The following ZNF385D variants were observed in gnomAD, a reference collection of about 807,000 sequenced individuals.
The protein encoded by ZNF385D is zinc finger protein 385D.
In ZNF385D, 15 loss-of-function variants were observed where a neutral mutation model predicts 35.8. That is an observed-to-expected ratio of 0.42 (90% CI 0.28 to 0.64). The LOEUF (loss-of-function observed/expected upper bound fraction) is 0.64, where lower values mean the gene tolerates loss of function less well. Ranked by LOEUF, ZNF385D falls within the 30% of genes least tolerant of loss-of-function variation. The probability of loss-of-function intolerance (pLI) is 0.23; values close to 1 mark genes in which losing one functional copy is unlikely to be tolerated. For missense variants in ZNF385D, 474 were observed against 494.6 expected, an observed-to-expected ratio of 0.96 and a Z score of 0.39; for synonymous variants, 212 against 186.8, an observed-to-expected ratio of 1.13 and a Z score of -1.10.
intron 2 of ZNF385D, among the ~76,000 whole-genome samples, chr3:22,299,361 G>C (rs1702772658): frequency 6.6e-6 from 1 of 151,754 alleles, no homozygotes; most frequent in Non-Finnish European, 1.5e-5. Flanking sequence ...TCTAGGCCCT[G>C]AGGAACTTGC....
chr3:21,445,406 T>G (rs1032226463), intron 4 of ZNF385D, among the ~76,000 whole-genome samples: 9 of 152,358 alleles, frequency 5.9e-5, no homozygotes, highest in Middle Eastern at 6.8e-3. Flanking sequence ...TAAAGAGAGA[T>G]AAGCTGATTA....
chr3:21,593,763 A>G (rs529261897), intron 2 of ZNF385D, among the ~76,000 whole-genome samples: 1 of 152,140 alleles, frequency 6.6e-6, no homozygotes, highest in East Asian at 1.9e-4. Context: ...ATCTGAAACC[A>G]TGGCAATAAA....
rs182160018 is a variant in ZNF385D at position 22,162,405 on chromosome 3, C to T, written c.325+6412G>A. Among the ~76,000 whole-genome samples the T allele has an allele frequency of 1.9e-3, 287 of 152,100 alleles. 3 individuals are homozygous for T. Among genetic ancestry groups the T allele is most frequent in the African/African-American group, 6.3e-3 (260 of 41,470 alleles). On this transcript the variant is annotated intron_variant, in intron 3 of 5. Transcript: ENST00000494108. ...TGCAAACAGGCTTTCTCTGAAGCCC[C>T]CCTTATCTGCCTTACCCAAAACTAA...
intron 3 of ZNF385D, among the ~76,000 whole-genome samples, chr3:21,846,381 T>C (rs1696007426): frequency 1.3e-5 from 2 of 152,070 alleles, no homozygotes; most frequent in Admixed American, 1.3e-4. Context: ...AATAGTGCTT[T>C]TAAAAAGCAC....
At chr3:22,041,193 T>C (rs1185557234) in intron 3 of ZNF385D, among the ~76,000 whole-genome samples, 1 of 152,072 alleles carries the variant, frequency 6.6e-6, no homozygotes, top group Non-Finnish European at 1.5e-5. Flanking sequence ...GGTTCAAGTC[T>C]AGTTGAAGAG....
At chr3:21,885,740 C>CTGTCTGTG (rs1306584538) in intron 3 of ZNF385D, among the ~76,000 whole-genome samples, 1 of 101,196 alleles carries the variant, frequency 9.9e-6, no homozygotes, top group African/African-American at 4.1e-5. Flanking sequence ...GTGTCTGTGT[C>CTGTCTGTG]TGTGTGTGTG....
At chr3:21,702,103 A>G (rs1050390810) in intron 1 of ZNF385D, among the ~76,000 whole-genome samples, 1 of 152,078 alleles carries the variant, frequency 6.6e-6, no homozygotes, top group Non-Finnish European at 1.5e-5. Context: ...TGGGGCTCTG[A>G]CCCCATATTT....
At chr3:22,145,773 T>C (rs1704811632) in intron 3 of ZNF385D, among the ~76,000 whole-genome samples, 1 of 152,074 alleles carries the variant, frequency 6.6e-6, no homozygotes, top group African/African-American at 2.4e-5. Context: ...CTTCAGAGAG[T>C]AGAGAGCCTA....
intron 2 of ZNF385D, among the ~76,000 whole-genome samples, chr3:22,279,593 C>CAT (rs1553640931): frequency 1.6e-4 from 19 of 121,262 alleles, no homozygotes; most frequent in East Asian, 1.5e-3. Flanking sequence ...TACATATGTA[C>CAT]ATATATATGT....
intron 3 of ZNF385D, among the ~76,000 whole-genome samples, chr3:21,515,721 G>T (rs1325002669): frequency 6.6e-6 from 1 of 152,180 alleles, no homozygotes; most frequent in Non-Finnish European, 1.5e-5. Flanking sequence ...TTGAGGCAAG[G>T]ATAATAGGCC....
At chr3:21,746,841 C>A (rs2069794179) in intron 1 of ZNF385D, among the ~76,000 whole-genome samples, 1 of 152,144 alleles carries the variant, frequency 6.6e-6, no homozygotes. Flanking sequence ...TCCTCATAAC[C>A]TTGCCATTTA....
chr3:21,635,092 A>G (rs2065389833), intron 2 of ZNF385D, among the ~76,000 whole-genome samples: 1 of 152,106 alleles, frequency 6.6e-6, no homozygotes, highest in Admixed American at 6.6e-5. Context: ...GCAGAGAACA[A>G]TATCACAGAA....
chr3:21,998,481 A>ATTT (rs1389774563), intron 3 of ZNF385D, among the ~76,000 whole-genome samples: 1 of 152,240 alleles, frequency 6.6e-6, no homozygotes. Context: ...TTATAAATGT[A>ATTT]GACATCAGCC....
At chr3:22,065,522 G>C (rs528355000) in intron 3 of ZNF385D, among the ~76,000 whole-genome samples, 1 of 152,178 alleles carries the variant, frequency 6.6e-6, no homozygotes, top group Non-Finnish European at 1.5e-5. Flanking sequence ...TGCCAGGTGA[G>C]TGTACAATAG....
intron 2 of ZNF385D, among the ~76,000 whole-genome samples, chr3:22,327,449 C>T (rs933571237): frequency 2.0e-5 from 3 of 152,142 alleles, no homozygotes; most frequent in Admixed American, 2.0e-4. Flanking sequence ...AAGTGGTGGT[C>T]CTAAATTTCA....
intron 3 of ZNF385D, among the ~76,000 whole-genome samples, chr3:22,093,111 C>T (rs1178692005): frequency 6.6e-6 from 1 of 151,758 alleles, no homozygotes; most frequent in Non-Finnish European, 1.5e-5. Flanking sequence ...AGTGTTGGTG[C>T]CAAATGAAAC....
chr3:21,874,330 C>A (rs897895856), intron 3 of ZNF385D, among the ~76,000 whole-genome samples: 3 of 152,096 alleles, frequency 2.0e-5, no homozygotes, highest in African/African-American at 7.2e-5. Context: ...ATCCTTTGCC[C>A]ATTTCTTAAC....
At chr3:21,581,881 T>G (rs898472836) in intron 2 of ZNF385D, among the ~76,000 whole-genome samples, 1 of 152,102 alleles carries the variant, frequency 6.6e-6, no homozygotes, top group African/African-American at 2.4e-5. Flanking sequence ...CTGATTCAAC[T>G]CGATGTTTAA....
intron 2 of ZNF385D, among the ~76,000 whole-genome samples, chr3:22,286,795 A>G (rs1702046821): frequency 6.6e-6 from 1 of 152,130 alleles, no homozygotes; most frequent in South Asian, 2.1e-4. Context: ...GTGGCTTAAC[A>G]TATGATCTTT....
Sources: allele counts gnomAD v4.1 joint callset (sites outside exome capture counted in the v4.1 genomes callset), GRCh38; gene constraint gnomAD v4.1.1; transcripts MANE v1.5; gene names NCBI Gene and HGNC (gene_info 2026-07-23, HGNC 2026-07-21).